KCNIP1: variants seen among roughly 807,000 people sequenced by gnomAD.
The protein encoded by KCNIP1 is A-type potassium channel modulatory protein KCNIP1.
A neutral mutation model predicts 33.0 loss-of-function variants in KCNIP1; 18 were observed. That is an observed-to-expected ratio of 0.55 (90% CI 0.38 to 0.81). KCNIP1 has a LOEUF of 0.81. Ranked by LOEUF, KCNIP1 falls within the 30% of genes least tolerant of loss-of-function variation. The pLI is 0.00. For synonymous variants in KCNIP1, 93 were observed against 98.3 expected (o/e 0.95, Z 0.32); for missense variants, 238 against 271.6 (o/e 0.88, Z 0.87).
intron 1 of KCNIP1, among the ~76,000 whole-genome samples, chr5:170,698,097 C>G (rs1762960553): frequency 6.6e-6 from 1 of 152,158 alleles, no homozygotes; most frequent in Non-Finnish European, 1.5e-5. Flanking sequence ...GACCCAAGAG[C>G]TGTGGGAATG....
intron 1 of KCNIP1, among the ~76,000 whole-genome samples, chr5:170,622,380 G>GGGAGGC (rs1252234055): frequency 1.3e-5 from 2 of 152,136 alleles, no homozygotes; most frequent in Non-Finnish European, 2.9e-5. Flanking sequence ...CCAGCACTTT[G>GGGAGGC]GGAGGCTGAG....
intron 1 of KCNIP1, among the ~76,000 whole-genome samples, chr5:170,614,951 C>G (rs1759308907): frequency 6.6e-6 from 1 of 152,238 alleles, no homozygotes; most frequent in African/African-American, 2.4e-5. Flanking sequence ...TGCAGTGACT[C>G]ACTCCTGTTG....
At chr5:170,634,727 G>A (rs534271975) in intron 1 of KCNIP1, among the ~76,000 whole-genome samples, 8 of 152,358 alleles carry the variant, frequency 5.3e-5, no homozygotes, top group African/African-American at 1.9e-4. Context: ...ACTGAAGCAA[G>A]AGGAAGGCCA....
intron 1 of KCNIP1, among the ~76,000 whole-genome samples, chr5:170,390,538 A>ATT (rs1308591694): frequency 9.1e-5 from 12 of 131,212 alleles, no homozygotes; most frequent in Admixed American, 1.6e-4. Context: ...ATATATATAT[A>ATT]TTTTCAACAA....
intron 1 of KCNIP1, among the ~76,000 whole-genome samples, chr5:170,457,836 C>G (rs1756421094): frequency 6.6e-6 from 1 of 152,004 alleles, no homozygotes; most frequent in South Asian, 2.1e-4. Context: ...TGGATGCAAA[C>G]CAAGAAGAAA....
At chr5:170,571,697 C>G (rs931516751) in intron 1 of KCNIP1, among the ~76,000 whole-genome samples, 2 of 152,158 alleles carry the variant, frequency 1.3e-5, no homozygotes, top group African/African-American at 2.4e-5. Flanking sequence ...GTTGCCGGTA[C>G]ATGGCAGGCA....
At chr5:170,594,235 T>G (rs1396806274) in intron 1 of KCNIP1, among the ~76,000 whole-genome samples, 1 of 152,204 alleles carries the variant, frequency 6.6e-6, no homozygotes, top group Non-Finnish European at 1.5e-5. Flanking sequence ...TGTTGGTACC[T>G]CTTCCTTCCT....
chr5:170,528,792 G>A (rs1206266408), intron 1 of KCNIP1, among the ~76,000 whole-genome samples: 1 of 152,172 alleles, frequency 6.6e-6, no homozygotes, highest in East Asian at 1.9e-4. Context: ...CATTTGGGAA[G>A]GAAGAATTCT....
chr5:170,600,042 G>C (rs1581382566), intron 1 of KCNIP1, among the ~76,000 whole-genome samples: 1 of 152,142 alleles, frequency 6.6e-6, no homozygotes, highest in Admixed American at 6.5e-5. Flanking sequence ...GCTCATTCAA[G>C]CCATATAAAG....
At chr5:170,684,270 C>T (rs539465662) in intron 1 of KCNIP1, among the ~76,000 whole-genome samples, 23 of 152,268 alleles carry the variant, frequency 1.5e-4, no homozygotes, top group African/African-American at 5.5e-4. Flanking sequence ...TTACTACAAA[C>T]TGGGTGGCTT....
intron 1 of KCNIP1, among the ~76,000 whole-genome samples, chr5:170,655,240 A>G (rs1269025752): frequency 1.3e-5 from 2 of 152,200 alleles, no homozygotes; most frequent in African/African-American, 4.8e-5. Flanking sequence ...TGTGCATTAG[A>G]TGAGGAAGTC....
chr5:170,430,202 G>A (rs754810146), intron 1 of KCNIP1, among the ~76,000 whole-genome samples: 1 of 152,204 alleles, frequency 6.6e-6, no homozygotes. Context: ...ATGGTGTGGT[G>A]GGCGGAAGGT....
At chr5:170,549,350 C>T (rs953541857) in intron 1 of KCNIP1, among the ~76,000 whole-genome samples, 3 of 152,118 alleles carry the variant, frequency 2.0e-5, no homozygotes, top group Non-Finnish European at 4.4e-5. Flanking sequence ...AGTGCAGTTT[C>T]GTTATATGGA....
chr5:170,589,818 T>TGCGGTGCGGTGCGGTGCGGTGC (rs781618647), intron 1 of KCNIP1, among the ~76,000 whole-genome samples: 1 of 37,248 alleles, frequency 2.7e-5, no homozygotes, highest in Non-Finnish European at 7.4e-5. Flanking sequence ...CGGTGCGGTG[T>TGCGGTGCGGTGCGGTGCGGTGC]GGTGTGGTAT....
chr5:170,440,260 G>A (rs1218668341), intron 1 of KCNIP1, among the ~76,000 whole-genome samples: 1 of 152,122 alleles, frequency 6.6e-6, no homozygotes, highest in Non-Finnish European at 1.5e-5. Flanking sequence ...TTTTGTTTAA[G>A]CCGCCCAGTC....
At chr5:170,652,246 G>A (rs969363994) in intron 1 of KCNIP1, among the ~76,000 whole-genome samples, 5 of 152,226 alleles carry the variant, frequency 3.3e-5, no homozygotes, top group African/African-American at 1.2e-4. Flanking sequence ...CACTGTGGGA[G>A]GCCAAGGTGG....
intron 1 of KCNIP1, among the ~76,000 whole-genome samples, chr5:170,412,484 T>G (rs1014826012): frequency 4.6e-5 from 7 of 152,112 alleles, no homozygotes; most frequent in Non-Finnish European, 1.0e-4. Context: ...AAAAATGCTA[T>G]AGGAGAGGGT....
rs567282068 is a variant in KCNIP1, at chr5:170,574,365, A to G, written c.61+69732A>G. On this transcript the variant is annotated intron_variant, in intron 1 of 7. Transcript: ENST00000328939. The stretch of plus-strand genomic sequence containing the variant: ...TAAAATAAATATGAGCTATACATGC[A>G]TTTAAGAAAGATTAAGCAAAACAAG... Among the ~76,000 whole-genome samples, 23 of 152,384 alleles carry G rather than the reference A, an allele frequency of 1.5e-4. No homozygotes were observed. The East Asian group carries it at 3.1e-3, about 20-fold the overall frequency.
chr5:170,508,161 C>G (rs141287333), intron 1 of KCNIP1, among the ~76,000 whole-genome samples: 1 of 152,228 alleles, frequency 6.6e-6, no homozygotes. Context: ...TCCCACACTA[C>G]AGGGGTGGCT....
Sources: allele counts gnomAD v4.1 joint callset (sites outside exome capture counted in the v4.1 genomes callset), GRCh38; gene constraint gnomAD v4.1.1; transcripts MANE v1.5; gene names NCBI Gene and HGNC (gene_info 2026-07-23, HGNC 2026-07-21).